Variants in NPAS3 observed in about 807,000 individuals in gnomAD.
NPAS3 encodes the protein neuronal PAS domain protein 3.
Under a neutral mutation model 73.1 loss-of-function variants are expected in NPAS3, and 14 were observed. That is an observed-to-expected ratio of 0.19 (90% CI 0.13 to 0.30). The LOEUF is 0.30. Among genes scored for constraint, NPAS3 ranks in the 10% least tolerant of loss-of-function variants. NPAS3 has a pLI of 1.00. For missense variants in NPAS3, 1,096 were observed against 1,250.0 expected (o/e 0.88, Z 1.86); for synonymous variants, 620 against 541.5 (o/e 1.14, Z -2.01).
chr14:33,673,776 A>G (rs867395737), intron 5 of NPAS3, among the ~76,000 whole-genome samples: 1 of 152,220 alleles, frequency 6.6e-6, no homozygotes, highest in South Asian at 2.1e-4. Context: ...CAGAGCAGCA[A>G]TGCTGCCACT....
chr14:33,682,496 A>G (rs2059967613), intron 6 of NPAS3, among the ~76,000 whole-genome samples: 2 of 152,196 alleles, frequency 1.3e-5, no homozygotes, highest in Admixed American at 1.3e-4. Context: ...TGATGGGTGC[A>G]CTCCAAAAGC....
intron 3 of NPAS3, among the ~76,000 whole-genome samples, chr14:33,355,838 C>T (rs1358220566): frequency 6.6e-6 from 1 of 152,162 alleles, no homozygotes; most frequent in African/African-American, 2.4e-5. Flanking sequence ...ATCTCTGTCC[C>T]TACTTTTCCC....
chr14:33,691,983 C>T (rs1366967793), intron 6 of NPAS3, among the ~76,000 whole-genome samples: 2 of 152,124 alleles, frequency 1.3e-5, no homozygotes, highest in East Asian at 3.8e-4. Context: ...AGTGGGGGTG[C>T]TCTTGTGATT....
chr14:33,729,336 A>G (rs1484369055), intron 6 of NPAS3, among the ~76,000 whole-genome samples: 1 of 152,184 alleles, frequency 6.6e-6, no homozygotes, highest in Non-Finnish European at 1.5e-5. Context: ...AAAAAAGGCT[A>G]TGATTTTTCC....
At chr14:33,448,519 C>G (rs555754268) in intron 4 of NPAS3, among the ~76,000 whole-genome samples, 1 of 152,288 alleles carries the variant, frequency 6.6e-6, no homozygotes, top group African/African-American at 2.4e-5. Flanking sequence ...TTGCATCTTA[C>G]TTTATTCCAT....
chr14:33,535,705 T>A (rs545870773), intron 4 of NPAS3, among the ~76,000 whole-genome samples: 1 of 152,316 alleles, frequency 6.6e-6, no homozygotes, highest in African/African-American at 2.4e-5. Flanking sequence ...TTTCTGAATG[T>A]TGTTAATGAA....
At chr14:33,343,786 T>C (rs962241935) in intron 3 of NPAS3, among the ~76,000 whole-genome samples, 3 of 152,190 alleles carry the variant, frequency 2.0e-5, no homozygotes, top group African/African-American at 7.2e-5. Flanking sequence ...GATGGAATTA[T>C]CCGTGTAGAA....
At chr14:33,483,120 G>A (rs2051409315) in intron 4 of NPAS3, among the ~76,000 whole-genome samples, 1 of 152,168 alleles carries the variant, frequency 6.6e-6, no homozygotes, top group Non-Finnish European at 1.5e-5. Context: ...TGGTAACAAT[G>A]AAAAGCTGGT....
chr14:33,246,765 G>T (rs953361317), intron 3 of NPAS3, among the ~76,000 whole-genome samples: 1 of 147,806 alleles, frequency 6.8e-6, no homozygotes, highest in Non-Finnish European at 1.5e-5. Flanking sequence ...GCCCAAGGCG[G>T]GTGGATCACC....
At chr14:33,318,864 C>T (rs775063716) in intron 3 of NPAS3, among the ~76,000 whole-genome samples, 1 of 152,222 alleles carries the variant, frequency 6.6e-6, no homozygotes, top group African/African-American at 2.4e-5. Context: ...ACTTTTTTAA[C>T]GTAAATAACT....
At chr14:33,484,731 G>A (rs1340070166) in intron 4 of NPAS3, among the ~76,000 whole-genome samples, 1 of 152,194 alleles carries the variant, frequency 6.6e-6, no homozygotes, top group African/African-American at 2.4e-5. Flanking sequence ...ACAGTTCAGT[G>A]TGAGGAAAAG....
chr14:33,364,261 C>A (rs1024812857), intron 3 of NPAS3, among the ~76,000 whole-genome samples: 4 of 152,132 alleles, frequency 2.6e-5, no homozygotes, highest in East Asian at 1.9e-4. Context: ...ATAAGATTAA[C>A]ACGGAGAAAC....
At chr14:33,264,725 T>C (rs189223225) in intron 3 of NPAS3, among the ~76,000 whole-genome samples, 1 of 152,268 alleles carries the variant, frequency 6.6e-6, no homozygotes, top group East Asian at 1.9e-4. Context: ...TAAATGTGAA[T>C]GATAGAAGGT....
chr14:33,802,049 CTCAA>C (rs747093148), downstream of NPAS3: 3 of 152,158 alleles, frequency 2.0e-5, no homozygotes, highest in East Asian at 1.9e-4. Context: ...TGCTGGAAAA[CTCAA>C]TCAAACTGAT....
At chr14:33,272,053 A>G (rs1471788364) in intron 3 of NPAS3, among the ~76,000 whole-genome samples, 1 of 152,208 alleles carries the variant, frequency 6.6e-6, no homozygotes, top group African/African-American at 2.4e-5. Flanking sequence ...TGATGCCTTC[A>G]AGTGCTCATC....
At chr14:33,246,824 T>C (rs1341770192) in intron 3 of NPAS3, among the ~76,000 whole-genome samples, 5 of 104,504 alleles carry the variant, frequency 4.8e-5, no homozygotes, top group African/African-American at 1.9e-4. Context: ...TGAAACCTCA[T>C]CTCTATTAAA....
At chr14:33,600,781 C>T (rs1160338206) in intron 5 of NPAS3, among the ~76,000 whole-genome samples, 1 of 152,106 alleles carries the variant, frequency 6.6e-6, no homozygotes, top group Admixed American at 6.6e-5. Context: ...ACAATAATTC[C>T]AAACAGCATA....
intron 2 of NPAS3, among the ~76,000 whole-genome samples, chr14:33,183,001 C>G (rs2045849189): frequency 6.6e-6 from 1 of 152,170 alleles, no homozygotes; most frequent in African/African-American, 2.4e-5. Flanking sequence ...GGACAACTCC[C>G]TTCTTCAAGA....
chr14:33,492,467 T>C (rs1323389168), intron 4 of NPAS3, among the ~76,000 whole-genome samples: 5 of 152,140 alleles, frequency 3.3e-5, no homozygotes, highest in Non-Finnish European at 7.4e-5. Context: ...TAGGAGGACA[T>C]GAATGTTTCT....
Sources: gnomAD v4.1 joint callset for allele counts (sites outside exome capture counted in the v4.1 genomes callset) on GRCh38, gnomAD v4.1.1 for gene constraint, MANE v1.5 for transcripts, NCBI Gene and HGNC (gene_info 2026-07-23, HGNC 2026-07-21) for gene names.